Variants in COL24A1 observed in about 807,000 individuals in gnomAD.
The protein encoded by COL24A1 is collagen type XXIV alpha 1 chain, also known as collagen alpha-1(XXIV) chain.
In COL24A1, 224 loss-of-function variants were observed where a neutral mutation model predicts 253.9. The observed-to-expected ratio is 0.88, with a 90% CI of 0.79 to 0.99. The LOEUF is 0.99. Among genes scored for constraint, COL24A1 ranks in the 50% least tolerant of loss-of-function variants. The probability of loss-of-function intolerance (pLI) is 0.00; values close to 1 mark genes in which losing one functional copy is unlikely to be tolerated. For missense variants in COL24A1, 2,131 were observed against 2,068.5 expected, an observed-to-expected ratio of 1.03 and a Z score of -0.59; for synonymous variants, 685 against 673.7, an observed-to-expected ratio of 1.02 and a Z score of -0.26.
chr1:85,896,653 A>G (rs1256495255), intron 28 of COL24A1, among the ~76,000 whole-genome samples: 3 of 151,992 alleles, frequency 2.0e-5, no homozygotes, highest in Non-Finnish European at 2.9e-5. Flanking sequence ...GCTCGCCACC[A>G]CGCCTGGCTA....
chr1:85,998,547 T>C (rs138556261), intron 19 of COL24A1, among the ~76,000 whole-genome samples: 47 of 152,320 alleles, frequency 3.1e-4, no homozygotes, highest in African/African-American at 1.0e-3. Context: ...ACCTCCAATA[T>C]TTAACTTCAC....
In COL24A1 at chr1:86,050,133, T is replaced by G; in HGVS notation, c.1896A>C (p.Glu632Asp). ...SPGEAGQLGP[E>D]GERGIPGIRG... ...AAGGGAATGGACTTACCCGTTCTCCTTCAGGTCCCAGTTGTCCCGCTTCTC... is the reference window on the plus strand; with the variant it reads ...AAGGGAATGGACTTACCCGTTCTCCGTCAGGTCCCAGTTGTCCCGCTTCTC... Residue 632 changes from glutamate (E) to aspartate (D), a missense_variant, in exon 11 of 60, where the codon GAA becomes GAC. Glu to Asp is a conservative substitution (Grantham distance 45). Transcript: ENST00000370571. The G allele has an allele frequency of 6.2e-7, 1 of 1,613,358 alleles. No individual in the cohort carries two copies. Among genetic ancestry groups the G allele is most frequent in the Non-Finnish European group, 8.5e-7 (1 of 1,179,396 alleles).
chr1:85,835,517 A>G (rs1197334595), intron 43 of COL24A1, among the ~76,000 whole-genome samples: 5 of 152,090 alleles, frequency 3.3e-5, no homozygotes, highest in Non-Finnish European at 7.4e-5. Flanking sequence ...AATGAGCAGG[A>G]CCCTTGACTT....
rs1033734900 is a variant in COL24A1 at position 85,875,419 on chromosome 1, G to T, written c.3031-89C>A. 5.1e-6 allele frequency: 5 copies of T among 975,690 alleles called. No homozygotes were observed. In the South Asian group the frequency reaches 5.5e-5, roughly 11 times the overall value. 60.4% of individuals were successfully genotyped at this position (975,690 alleles called of 1,614,324 possible). A position where few individuals can be genotyped will look rare whatever the true frequency, so the allele number is the denominator to read the frequency against. Reference sequence around the variant, plus strand: ...CACTGAACTCAAGGGTGAGATACCTGTGTCCAAAAGGGCATAATTGCTGTC... The same window carrying T: ...CACTGAACTCAAGGGTGAGATACCTTTGTCCAAAAGGGCATAATTGCTGTC... On this transcript the variant is annotated intron_variant, in intron 33 of 59. Transcript: ENST00000370571.
chr1:85,925,336 T>C (rs192023017), intron 24 of COL24A1, among the ~76,000 whole-genome samples: 1 of 152,264 alleles, frequency 6.6e-6, no homozygotes, highest in East Asian at 1.9e-4. Flanking sequence ...AAAGTTCATA[T>C]GGAACCAAAA....
At chr1:86,149,550 T>C (rs1325502775) in intron 1 of COL24A1, among the ~76,000 whole-genome samples, 1 of 152,242 alleles carries the variant, frequency 6.6e-6, no homozygotes, top group Non-Finnish European at 1.5e-5. Context: ...TGAATGTGAA[T>C]GGAAGCATGT....
intron 12 of COL24A1, among the ~76,000 whole-genome samples, chr1:86,045,076 T>C (rs1160814138): frequency 6.6e-6 from 1 of 152,108 alleles, no homozygotes; most frequent in Non-Finnish European, 1.5e-5. Context: ...TGCAACCTTA[T>C]TCTCCCGGGT....
intron 43 of COL24A1, among the ~76,000 whole-genome samples, chr1:85,828,306 A>G (rs1439369115): frequency 3.3e-5 from 5 of 151,428 alleles, no homozygotes; most frequent in South Asian, 2.1e-4. Context: ...TATAATTTCT[A>G]TTCTTTTACA....
At chr1:85,748,770 A>T (rs1165660907) in intron 55 of COL24A1, among the ~76,000 whole-genome samples, 6 of 120,750 alleles carry the variant, frequency 5.0e-5, no homozygotes, top group Non-Finnish European at 8.8e-5. Context: ...GAAAGGGGTG[A>T]CGGACGCACC....
intron 5 of COL24A1, among the ~76,000 whole-genome samples, chr1:86,105,624 G>C (rs1427934882): frequency 1.4e-5 from 2 of 146,870 alleles, no homozygotes; most frequent in African/African-American, 4.9e-5. Context: ...ATGGGAGCAA[G>C]TGCAGCCTAG....
At chr1:86,129,806 G>A (rs1286203357) in intron 2 of COL24A1, among the ~76,000 whole-genome samples, 1 of 151,716 alleles carries the variant, frequency 6.6e-6, no homozygotes, top group African/African-American at 2.4e-5. Context: ...CTCATAAGTG[G>A]TCAATTTTCA....
intron 20 of COL24A1, among the ~76,000 whole-genome samples, chr1:85,982,728 C>T (rs1311349823): frequency 6.6e-6 from 1 of 151,954 alleles, no homozygotes; most frequent in East Asian, 1.9e-4. Flanking sequence ...ATGAAGGGCT[C>T]ATGTTTCCAG....
At chr1:86,109,338 A>C (rs1436269812) in intron 5 of COL24A1, among the ~76,000 whole-genome samples, 1 of 148,864 alleles carries the variant, frequency 6.7e-6, no homozygotes, top group African/African-American at 2.5e-5. Context: ...TTGGAAATTT[A>C]GATTTGAATT....
intron 25 of COL24A1, 112 bp downstream of exon 25, chr1:85,911,268 G>A: frequency 1.2e-5 from 10 of 803,264 alleles, no homozygotes; most frequent in Non-Finnish European, 2.1e-5. Context: ...TATAGGTAAT[G>A]TGCTAAAGTT....
chr1:85,822,361 T>TTTA (rs1297877056), intron 45 of COL24A1, among the ~76,000 whole-genome samples: 1 of 152,170 alleles, frequency 6.6e-6, no homozygotes, highest in East Asian at 1.9e-4. Flanking sequence ...TCTCATCTAA[T>TTTA]TTATTATTAA....
intron 24 of COL24A1, among the ~76,000 whole-genome samples, chr1:85,917,951 G>T (rs1388196363): frequency 2.0e-5 from 3 of 152,102 alleles, no homozygotes; most frequent in Non-Finnish European, 4.4e-5. Flanking sequence ...CAGGTGATCT[G>T]CCCGCCTTGG....
At chr1:86,103,375 C>A (rs770401394) in intron 5 of COL24A1, among the ~76,000 whole-genome samples, 5 of 152,172 alleles carry the variant, frequency 3.3e-5, no homozygotes, top group Non-Finnish European at 5.9e-5. Flanking sequence ...AGCCTGTTTA[C>A]ATTCAAGATT....
At chr1:85,826,719 C>G (rs1674394028) in intron 43 of COL24A1, among the ~76,000 whole-genome samples, 1 of 151,456 alleles carries the variant, frequency 6.6e-6, no homozygotes, top group South Asian at 2.1e-4. Flanking sequence ...TGATTTGGCT[C>G]TCTGTTTGTC....
intron 24 of COL24A1, among the ~76,000 whole-genome samples, chr1:85,958,235 G>A (rs901827326): frequency 2.0e-5 from 3 of 151,950 alleles, no homozygotes; most frequent in Non-Finnish European, 4.4e-5. Context: ...CATATTCCAG[G>A]GAAGTTTTTT....
Sources: allele counts gnomAD v4.1 joint callset (sites outside exome capture counted in the v4.1 genomes callset), GRCh38; gene constraint gnomAD v4.1.1; transcripts MANE v1.5; gene names NCBI Gene and HGNC (gene_info 2026-07-23, HGNC 2026-07-21).